The following ARHGAP18 variants were observed in gnomAD, a reference collection of about 807,000 sequenced individuals.
ARHGAP18 encodes Rho GTPase activating protein 18.
Under a neutral mutation model 86.2 loss-of-function variants are expected in ARHGAP18, and 67 were observed. The observed-to-expected ratio is 0.78, with a 90% CI of 0.64 to 0.95. The LOEUF is 0.95. Ranked by LOEUF, ARHGAP18 falls within the 40% of genes least tolerant of loss-of-function variation. The pLI is 0.00. For synonymous variants in ARHGAP18, 283 were observed against 280.4 expected, an observed-to-expected ratio of 1.01 and a Z score of -0.09; for missense variants, 691 against 780.4, an observed-to-expected ratio of 0.89 and a Z score of 1.37.
rs375352117 is a variant in ARHGAP18 at position 129,629,410 on chromosome 6, C to A, written c.729G>T (p.Gln243His). 6.2e-7 allele frequency: 1 copy of A among 1,613,898 alleles called. No individual in the cohort carries two copies. Among genetic ancestry groups the A allele is most frequent in the Non-Finnish European group, 8.5e-7 (1 of 1,179,974 alleles). ...GGATTTTCTCCTTGGAGCTCTCTTT[C>A]TGATTGAGTGCTTGCTCGGCAAATG... ...EVSFAEQALN[Q>H]KESSKEKIQK... The change falls in exon 5 of 15, where the codon CAG (glutamine) becomes CAT (histidine). Residue 243 changes from glutamine (Q) to histidine (H), a missense_variant. Transcript: ENST00000368149.
intron 8 of ARHGAP18, among the ~76,000 whole-genome samples, chr6:129,610,195 T>C (rs1251987363): frequency 6.6e-6 from 1 of 152,244 alleles, no homozygotes; most frequent in East Asian, 1.9e-4. Flanking sequence ...TAGTAGTTAA[T>C]GGCTGCTTCC....
At chr6:129,648,198 G>T (rs1773618876) in intron 1 of ARHGAP18, among the ~76,000 whole-genome samples, 1 of 150,846 alleles carries the variant, frequency 6.6e-6, no homozygotes, top group South Asian at 2.1e-4. Context: ...TTGAGATGGG[G>T]TCTCGCTGTG....
intron 1 of ARHGAP18, among the ~76,000 whole-genome samples, chr6:129,669,172 CTTT>C (rs760713815): frequency 6.9e-6 from 1 of 144,962 alleles, no homozygotes; most frequent in Non-Finnish European, 1.5e-5. Context: ...CTAACACGCA[CTTT>C]TTTTTTTTTT....
intron 1 of ARHGAP18, among the ~76,000 whole-genome samples, chr6:129,689,439 T>C (rs746427401): frequency 5.2e-4 from 79 of 152,210 alleles, no homozygotes; most frequent in Non-Finnish European, 8.2e-4. Flanking sequence ...ATTATGGGCA[T>C]GCACCTTCAT....
At chr6:129,665,554 A>T (rs971754446) in intron 1 of ARHGAP18, among the ~76,000 whole-genome samples, 7 of 152,202 alleles carry the variant, frequency 4.6e-5, no homozygotes, top group South Asian at 2.1e-4. Flanking sequence ...TGTCTCCAAA[A>T]AAATAAATAA....
At chr6:129,625,136 T>TATATGATATATTATATATATGATATATG (rs1194611528) in intron 5 of ARHGAP18, among the ~76,000 whole-genome samples, 3 of 5,650 alleles carry the variant, frequency 5.3e-4, no homozygotes, top group African/African-American at 7.7e-4. Flanking sequence ...TTATATATGA[T>TATATGATATATTATATATATGATATATG]ATATATTATA....
At position 129,584,059 on chromosome 6, in the gene ARHGAP18, A is replaced by T. The variant is rs1164188132; in HGVS notation, c.1767T>A (p.Val589=). The change falls in exon 13 of 15, where the codon GTT becomes GTA. Residue 589 remains valine (V), a synonymous_variant. Coordinates refer to ENST00000368149, the MANE Select transcript of ARHGAP18 (RefSeq NM_033515.3). The part of the protein sequence containing the change: ...IRVQAPHLSK[V]SMAIQLTEEL... ...CTTCAGTTAGCTGTATTGCCATGGA[A>T]ACTTTCGAAAGATGGGGAGCTTGCA... 2 of 1,613,750 alleles carry T rather than the reference A, an allele frequency of 1.2e-6. No individual in the cohort carries two copies. Among genetic ancestry groups the T allele is most frequent in the South Asian group, 2.2e-5 (2 of 91,078 alleles).
rs1285736845 is a variant in ARHGAP18, at chr6:129,693,765, A to G, written c.113+16259T>C. 2.1e-5 allele frequency among the ~76,000 whole-genome samples: 3 copies of G among 144,352 alleles called. 1 individual carries two copies. The highest frequency in any genetic ancestry group is 2.0e-4 in the Admixed American group (3 of 14,778). 94.7% of individuals were successfully genotyped at this position (144,352 alleles called of 152,430 possible). On this transcript the variant is annotated intron_variant, in intron 1 of 14. Coordinates refer to ENST00000368149, the MANE Select transcript of ARHGAP18 (RefSeq NM_033515.3). ...CATGTCATCTGGGACCAGTTATTTC[A>G]TGTACCTGAGTTTTAAGATGAGGAT... is the stretch of plus-strand genomic sequence containing the variant.
chr6:129,595,949 A>C (rs990259590), intron 12 of ARHGAP18, among the ~76,000 whole-genome samples: 2 of 152,140 alleles, frequency 1.3e-5, no homozygotes, highest in African/African-American at 2.4e-5. Flanking sequence ...ACTTCAAAAC[A>C]AAATCCAGAA....
rs1788722421 is a variant in ARHGAP18, at chr6:129,600,782, C to T, written c.1432G>A (p.Val478Ile). 2.5e-6 allele frequency: 4 copies of T among 1,613,486 alleles called. No individual in the cohort carries two copies. Among genetic ancestry groups the T allele is most frequent in the Non-Finnish European group, 2.5e-6 (3 of 1,179,770 alleles). Reference sequence around the variant, plus strand: ...AGATTCGGGGCCATGACCATTGCTACATTCATGACTGTCATTTTATTTTTT... The same window carrying T: ...AGATTCGGGGCCATGACCATTGCTATATTCATGACTGTCATTTTATTTTTT... ...KEKNKMTVMNVAMVMAPNLFM... is the reference protein window; with the variant it reads ...KEKNKMTVMNIAMVMAPNLFM... Residue 478 changes from valine (V) to isoleucine (I), a missense_variant, in exon 11 of 15, where the codon GTA becomes ATA. Val to Ile is a conservative substitution (Grantham distance 29). Transcript: ENST00000368149.
At chr6:129,612,889 G>C (rs1789007818) in intron 7 of ARHGAP18, among the ~76,000 whole-genome samples, 1 of 152,126 alleles carries the variant, frequency 6.6e-6, no homozygotes, top group Admixed American at 6.5e-5. Context: ...TTATTATTAG[G>C]AAAAGAGAAG....
In ARHGAP18 at chr6:129,578,598, C is replaced by T. The variant is rs755121090; in HGVS notation, c.1907G>A (p.Arg636His). ...LYEIGGNIGE[R>H]CLDDDTYMKD... The stretch of plus-strand genomic sequence containing the variant: ...CATGTAAGTGTCATCATCAAGGCAG[C>T]GTTCCCCTGTTAAAATAGATGTTGT... Residue 636 changes from arginine to histidine, a missense_variant, in exon 15 of 15, where the codon CGC (arginine) becomes CAC (histidine). Transcript: ENST00000368149. 129 of 1,607,870 alleles carry T rather than the reference C, an allele frequency of 8.0e-5. 1 individual carries two copies. The East Asian group carries it at 1.8e-3, about 22-fold the overall frequency.
chr6:129,628,937 A>T (rs886508382), intron 5 of ARHGAP18, among the ~76,000 whole-genome samples: 1 of 152,182 alleles, frequency 6.6e-6, no homozygotes, highest in Non-Finnish European at 1.5e-5. Flanking sequence ...ATTAAACTTT[A>T]AAAAAGTACA....
At chr6:129,610,671 G>C in intron 8 of ARHGAP18, among the ~76,000 whole-genome samples, 1 of 151,932 alleles carries the variant, frequency 6.6e-6, no homozygotes, top group Middle Eastern at 3.4e-3. Context: ...ACTGTTGCCC[G>C]GGCTGGAGTG....
rs769601753 is a variant in ARHGAP18 at position 129,578,484 on chromosome 6, A to G, written c.*29T>C. The G allele has an allele frequency of 8.9e-6, 14 of 1,567,864 alleles. No homozygotes were observed. Among genetic ancestry groups the G allele is most frequent in the Middle Eastern group, 1.7e-4 (1 of 5,962 alleles). ...TCAGCAAGAATTATGACAGAAGTCCACATGGTTATCTGCAGCTTGTTAAGT... is the reference window on the plus strand; with the variant it reads ...TCAGCAAGAATTATGACAGAAGTCCGCATGGTTATCTGCAGCTTGTTAAGT... On this transcript the variant is annotated 3_prime_UTR_variant, in exon 15 of 15. Coordinates refer to ENST00000368149, the MANE Select transcript of ARHGAP18 (RefSeq NM_033515.3).
In ARHGAP18 at chr6:129,629,437, T is replaced by C. The variant is rs1320015235; in HGVS notation, c.702A>G (p.Val234=). Residue 234 remains valine, a synonymous_variant, in exon 5 of 15, where the codon GTA becomes GTG. Transcript: ENST00000368149. ...GATTGAGTGCTTGCTCGGCAAATGATACCTCCAGGTTGATGTCTGTTTCAG... is the reference window on the plus strand; with the variant it reads ...GATTGAGTGCTTGCTCGGCAAATGACACCTCCAGGTTGATGTCTGTTTCAG... ...PAPETDINLE[V]SFAEQALNQK... 3 of 1,613,894 alleles carry C rather than the reference T, an allele frequency of 1.9e-6. No homozygotes were observed. The African/African-American group carries it at 4.0e-5, about 22-fold the overall frequency.
rs1265170050 is a variant in ARHGAP18, at chr6:129,656,836, G to A, written c.114-14818C>T. 2.0e-5 allele frequency among the ~76,000 whole-genome samples: 3 copies of A among 152,122 alleles called. No individual in the cohort carries two copies. The South Asian group carries it at 6.2e-4, about 32-fold the overall frequency. ...CCATTTCCTCTGAGCAAATAAAGAA[G>A]TAATCAGTGTCCTCTTTATATTAAT... On this transcript the variant is annotated intron_variant, in intron 1 of 14. Coordinates refer to ENST00000368149, the MANE Select transcript of ARHGAP18 (RefSeq NM_033515.3).
intron 1 of ARHGAP18, among the ~76,000 whole-genome samples, chr6:129,664,579 A>T (rs1774006674): frequency 1.3e-5 from 2 of 152,188 alleles, no homozygotes; most frequent in Admixed American, 1.3e-4. Flanking sequence ...ATCATTTTCC[A>T]TGAGATCAAA....
intron 9 of ARHGAP18, among the ~76,000 whole-genome samples, chr6:129,607,224 A>C (rs1349188440): frequency 6.6e-6 from 1 of 152,126 alleles, no homozygotes; most frequent in Non-Finnish European, 1.5e-5. Flanking sequence ...CAGTGATGGC[A>C]TTTTTACTTT....
Sources: allele counts gnomAD v4.1 joint callset (sites outside exome capture counted in the v4.1 genomes callset), GRCh38; gene constraint gnomAD v4.1.1; transcripts MANE v1.5; gene names NCBI Gene and HGNC (gene_info 2026-07-23, HGNC 2026-07-21).